Variants in ADAMTS12 observed in about 807,000 individuals in gnomAD.
ADAMTS12 encodes A disintegrin and metalloproteinase with thrombospondin motifs 12.
In ADAMTS12, 118 loss-of-function variants were observed where a neutral mutation model predicts 167.8. That is an observed-to-expected ratio of 0.70 (90% CI 0.61 to 0.82). ADAMTS12 has a LOEUF of 0.82. ADAMTS12 is among the 40% of genes least tolerant of loss of function. The pLI is 0.00. For synonymous variants in ADAMTS12, 704 were observed against 716.9 expected (o/e 0.98, Z 0.29); for missense variants, 1,916 against 1,998.8 (o/e 0.96, Z 0.79).
chr5:33,842,009 A>T (rs890989527), intron 2 of ADAMTS12, among the ~76,000 whole-genome samples: 1 of 152,050 alleles, frequency 6.6e-6, no homozygotes, highest in Non-Finnish European at 1.5e-5. Context: ...TGACTTCATG[A>T]TCTCCCTGAA....
In ADAMTS12 at chr5:33,525,865, C is replaced by T. The variant is rs1210578904; in HGVS notation, c.*1323G>A. 3 of 152,140 alleles carry T rather than the reference C, an allele frequency of 2.0e-5. No individual in the cohort carries two copies. Among genetic ancestry groups the T allele is most frequent in the African/African-American group, 7.2e-5 (3 of 41,428 alleles). 9.4% of individuals were successfully genotyped at this position (152,140 alleles called of 1,614,324 possible). On this transcript the variant is annotated 3_prime_UTR_variant, in exon 24 of 24. Transcript: ENST00000504830. ...CTCTGGGTTCAGTTCATGTAAGTAC[C>T]TTCCCTTAGAAATCACTTTGTCTAG... is the stretch of plus-strand genomic sequence containing the variant.
chr5:33,839,908 CTGAATCAAG>C (rs1748684576), intron 2 of ADAMTS12, among the ~76,000 whole-genome samples: 1 of 152,188 alleles, frequency 6.6e-6, no homozygotes, highest in Admixed American at 6.5e-5. Context: ...TTTACTAGGG[CTGAATCAAG>C]TGACTAGCTA....
At chr5:33,725,469 C>A (rs377601967) in intron 3 of ADAMTS12, among the ~76,000 whole-genome samples, 2 of 152,210 alleles carry the variant, frequency 1.3e-5, no homozygotes, top group African/African-American at 4.8e-5. Flanking sequence ...ATACTAAATT[C>A]TGTTGCCATC....
intron 22 of ADAMTS12, among the ~76,000 whole-genome samples, chr5:33,542,039 C>T (rs2111791333): frequency 6.6e-6 from 1 of 152,164 alleles, no homozygotes; most frequent in South Asian, 2.1e-4. Flanking sequence ...AAGACACAGA[C>T]TAGCATTTTG....
intron 18 of ADAMTS12, among the ~76,000 whole-genome samples, chr5:33,579,355 A>G (rs1746934971): frequency 6.6e-6 from 1 of 152,196 alleles, no homozygotes; most frequent in African/African-American, 2.4e-5. Context: ...AGCTACTGCC[A>G]ACTCTTCTCA....
At chr5:33,750,340 C>T (rs1327706492) in intron 3 of ADAMTS12, among the ~76,000 whole-genome samples, 1 of 152,182 alleles carries the variant, frequency 6.6e-6, no homozygotes, top group East Asian at 1.9e-4. Context: ...TGCTTACATG[C>T]TCTGCTAAGA....
In ADAMTS12 at chr5:33,536,636, A is replaced by G. The variant is rs115371704; in HGVS notation, c.4447-1644T>C. Among the ~76,000 whole-genome samples, 983 of 152,274 alleles carry G rather than the reference A, an allele frequency of 6.5e-3. 15 individuals carry two copies. The highest frequency in any genetic ancestry group is 0.023 in the African/African-American group (951 of 41,530). ...GAGTGATTCCAAAGGCTGGCCTGGTAGGTGTTAACCACTCTCTCATTATCC... is the reference window on the plus strand; with the variant it reads ...GAGTGATTCCAAAGGCTGGCCTGGTGGGTGTTAACCACTCTCTCATTATCC... On this transcript the variant is annotated intron_variant, in intron 22 of 23. Coordinates refer to ENST00000504830, the MANE Select transcript of ADAMTS12 (RefSeq NM_030955.4).
chr5:33,769,282 A>G (rs1229884894), intron 2 of ADAMTS12, among the ~76,000 whole-genome samples: 1 of 152,280 alleles, frequency 6.6e-6, no homozygotes, highest in East Asian at 1.9e-4. Flanking sequence ...GATTTCCAGA[A>G]CTGTAAGATA....
At chr5:33,821,018 G>A (rs1341175771) in intron 2 of ADAMTS12, among the ~76,000 whole-genome samples, 1 of 152,062 alleles carries the variant, frequency 6.6e-6, no homozygotes. Flanking sequence ...AATAACTAAT[G>A]GGTACTACCC....
chr5:33,569,986 A>C (rs1746232041), intron 19 of ADAMTS12, among the ~76,000 whole-genome samples: 1 of 152,242 alleles, frequency 6.6e-6, no homozygotes, highest in Non-Finnish European at 1.5e-5. Context: ...AACTGGAAGA[A>C]AGGGTATCAG....
chr5:33,761,907 A>G (rs1745369404), intron 2 of ADAMTS12, among the ~76,000 whole-genome samples: 1 of 152,230 alleles, frequency 6.6e-6, no homozygotes, highest in Admixed American at 6.5e-5. Flanking sequence ...TTAAGAAACA[A>G]GGGGGCCGGG....
At chr5:33,650,189 A>G (rs1260161967) in intron 7 of ADAMTS12, among the ~76,000 whole-genome samples, 1 of 152,170 alleles carries the variant, frequency 6.6e-6, no homozygotes, top group Non-Finnish European at 1.5e-5. Context: ...TCTTTCTACT[A>G]TTGCTACAGG....
In ADAMTS12 at chr5:33,811,812, C is replaced by A. The variant is rs115589412; in HGVS notation, c.490-60264G>T. Among the ~76,000 whole-genome samples, 98 of 152,154 alleles carry A rather than the reference C, an allele frequency of 6.4e-4. 1 individual carries two copies. The highest frequency in any genetic ancestry group is 2.2e-3 in the African/African-American group (92 of 41,522). ...CCAGGTAGGAGATGATGGCATTAAC[C>A]CAGGTGAGCCAACAAGGTGTCCTGG... On this transcript the variant is annotated intron_variant, in intron 2 of 23. Transcript: ENST00000504830.
intron 16 of ADAMTS12, among the ~76,000 whole-genome samples, chr5:33,597,962 G>A (rs1383515129): frequency 6.6e-6 from 1 of 152,156 alleles, no homozygotes. Flanking sequence ...TTGTATCTGT[G>A]CACGAATAGC....
chr5:33,775,102 T>C (rs1056297666), intron 2 of ADAMTS12, among the ~76,000 whole-genome samples: 1 of 152,274 alleles, frequency 6.6e-6, no homozygotes, highest in East Asian at 1.9e-4. Context: ...AATGTGACAG[T>C]GTTTGGGAAC....
intron 7 of ADAMTS12, 32 bp from the exon 8 acceptor site, chr5:33,649,729 C>T (rs1408447816): frequency 6.2e-7 from 1 of 1,609,896 alleles, no homozygotes; most frequent in Non-Finnish European, 8.5e-7. Flanking sequence ...CAAGAAGAGC[C>T]AGCAGGCAGG....
At position 33,703,201 on chromosome 5, in the gene ADAMTS12, C is replaced by T. The variant is rs139217338; in HGVS notation, c.635-19146G>A. Among the ~76,000 whole-genome samples the T allele has an allele frequency of 5.4e-3, 828 of 152,300 alleles. 10 individuals carry two copies. The highest frequency in any genetic ancestry group is 0.019 in the African/African-American group (800 of 41,546). On this transcript the variant is annotated intron_variant, in intron 3 of 23. Coordinates refer to ENST00000504830, the MANE Select transcript of ADAMTS12 (RefSeq NM_030955.4). ...TTTCTAATACAATACCAGCTGACTA[C>T]CCCTGGAGGGTGAATTTTCTTTTCT... is the stretch of plus-strand genomic sequence containing the variant.
At chr5:33,838,133 G>A (rs963385706) in intron 2 of ADAMTS12, among the ~76,000 whole-genome samples, 14 of 152,150 alleles carry the variant, frequency 9.2e-5, no homozygotes, top group African/African-American at 3.4e-4. Flanking sequence ...CACAGGTGTG[G>A]TGTATAGCTT....
In ADAMTS12 at chr5:33,643,365, C is replaced by A. The variant is rs953641769; in HGVS notation, c.1572+13G>T. The A allele has an allele frequency of 1.9e-6, 3 of 1,614,010 alleles. No individual in the cohort carries two copies. Among genetic ancestry groups the A allele is most frequent in the South Asian group, 2.2e-5 (2 of 91,062 alleles). On this transcript the variant is annotated intron_variant, in intron 10 of 23. Coordinates refer to ENST00000504830, the MANE Select transcript of ADAMTS12 (RefSeq NM_030955.4). ...ACCGCCCTCCCACCTCATTCCTCGG[C>A]CTGACGCATCACCTTCTTCTCACCA... is the stretch of plus-strand genomic sequence containing the variant.
Sources: gnomAD v4.1 joint callset for allele counts (sites outside exome capture counted in the v4.1 genomes callset) on GRCh38, gnomAD v4.1.1 for gene constraint, MANE v1.5 for transcripts, NCBI Gene and HGNC (gene_info 2026-07-23, HGNC 2026-07-21) for gene names.